The following MACO1 variants were observed in gnomAD, a reference collection of about 807,000 sequenced individuals.
MACO1 encodes the protein macoilin 1.
Under a neutral mutation model 78.7 loss-of-function variants are expected in MACO1, and 14 were observed. The observed-to-expected ratio is 0.18, with a 90% CI of 0.12 to 0.28. The LOEUF (loss-of-function observed/expected upper bound fraction) is 0.28. Ranked by LOEUF, MACO1 falls within the 10% of genes least tolerant of loss-of-function variation. The pLI is 1.00. For missense variants in MACO1, 501 were observed against 799.0 expected, an observed-to-expected ratio of 0.63 and a Z score of 4.50; for synonymous variants, 288 against 291.6, an observed-to-expected ratio of 0.99 and a Z score of 0.12.
At chr1:25,445,447 G>C (rs927179185) in intron 1 of MACO1, among the ~76,000 whole-genome samples, 3 of 152,138 alleles carry the variant, frequency 2.0e-5, no homozygotes, top group African/African-American at 7.2e-5. Flanking sequence ...ATGTATCACT[G>C]TGAATACTGT....
chr1:25,442,886 A>T (rs952993508), intron 1 of MACO1, among the ~76,000 whole-genome samples: 1 of 152,154 alleles, frequency 6.6e-6, no homozygotes, highest in African/African-American at 2.4e-5. Context: ...TTTTTGTTGC[A>T]GTTATGCTTT....
intron 10 of MACO1, among the ~76,000 whole-genome samples, chr1:25,494,689 G>A (rs768400227): frequency 2.0e-5 from 3 of 152,198 alleles, no homozygotes; most frequent in Non-Finnish European, 4.4e-5. Flanking sequence ...GGACGGGCCA[G>A]ACAGGTGAGT....
intron 4 of MACO1, among the ~76,000 whole-genome samples, chr1:25,455,565 ATAT>A (rs1449306371): frequency 2.5e-4 from 38 of 152,334 alleles, no homozygotes; most frequent in African/African-American, 9.1e-4. Flanking sequence ...AGTGAAACTT[ATAT>A]GGGCTTGACA....
intron 1 of MACO1, among the ~76,000 whole-genome samples, chr1:25,436,619 A>G (rs1428790601): frequency 6.6e-6 from 1 of 152,142 alleles, no homozygotes; most frequent in African/African-American, 2.4e-5. Context: ...GACTTTTTCC[A>G]CTGTGGATTT....
rs1571941446 is a variant in MACO1, at chr1:25,431,003, T to C, written c.-96T>C. ...ATGTCTGTGTGACCGGCCTCAGGGG[T>C]AGAGTCCAGGCCCGACGCGGGGCGG... is the stretch of plus-strand genomic sequence containing the variant. On this transcript the variant is annotated 5_prime_UTR_variant, in exon 1 of 11. Coordinates refer to ENST00000374343, the MANE Select transcript of MACO1 (RefSeq NM_018202.6). 1 of 689,186 alleles carries C rather than the reference T, an allele frequency of 1.5e-6. No individual in the cohort carries two copies. Among genetic ancestry groups the C allele is most frequent in the African/African-American group, 2.3e-5 (1 of 43,876 alleles). 42.7% of individuals were successfully genotyped at this position (689,186 alleles called of 1,614,324 possible).
intron 3 of MACO1, among the ~76,000 whole-genome samples, chr1:25,453,887 T>C (rs2124582206): frequency 6.6e-6 from 1 of 152,292 alleles, no homozygotes. Flanking sequence ...TAATTTGTAT[T>C]TCTCTAATCA....
At chr1:25,465,730 C>T (rs1209420419) in intron 6 of MACO1, among the ~76,000 whole-genome samples, 4 of 152,162 alleles carry the variant, frequency 2.6e-5, no homozygotes, top group African/African-American at 9.7e-5. Context: ...ATACATTTTA[C>T]CTGTTAACCA....
rs549845163 is a variant in MACO1 at position 25,456,039 on chromosome 1, C to T, written c.474-614C>T. ...CTTTGGGAGGCCAAGGCGAGTGGAT[C>T]ACGAGGTCGAGAGATCGAGACCATC... is the stretch of plus-strand genomic sequence containing the variant. On this transcript the variant is annotated intron_variant, in intron 4 of 10. Transcript: ENST00000374343. 5.3e-5 allele frequency among the ~76,000 whole-genome samples: 8 copies of T among 152,182 alleles called. No homozygotes were observed. The South Asian group carries it at 1.7e-3, about 32-fold the overall frequency.
chr1:25,464,338 CTTTTTTTT>C (rs71014363), intron 6 of MACO1, among the ~76,000 whole-genome samples: 3 of 80,976 alleles, frequency 3.7e-5, no homozygotes, highest in African/African-American at 4.9e-5. Context: ...TTTTTCTTCT[CTTTTTTTT>C]TTTTTTTTTT....
intron 4 of MACO1, 32 bp downstream of exon 4, chr1:25,454,414 GTGTATA>G: frequency 7.0e-7 from 1 of 1,423,500 alleles, no homozygotes; most frequent in Non-Finnish European, 9.6e-7. Context: ...GTGTGTGTGT[GTGTATA>G]TGTGTGTATG....
rs554818768 is a variant in MACO1, at chr1:25,496,480, T to A, written c.1793-1784T>A. Among the ~76,000 whole-genome samples the A allele has an allele frequency of 6.6e-4, 100 of 152,296 alleles. 2 individuals are homozygous for A. In the South Asian group the frequency reaches 0.02, roughly 30 times the overall value. ...AAGTTTCTGAAAGACTACTCCTAAG[T>A]GTTCTAAGTGCTTTTACATATACCA... On this transcript the variant is annotated intron_variant, in intron 10 of 10. Transcript: ENST00000374343.
chr1:25,493,253 T>A (rs890507287), intron 10 of MACO1, among the ~76,000 whole-genome samples: 1 of 152,348 alleles, frequency 6.6e-6, no homozygotes, highest in African/African-American at 2.4e-5. Flanking sequence ...ATTTATTTAT[T>A]TTCAAGACAG....
In MACO1 at chr1:25,449,099, C is replaced by T. The variant is rs548653359; in HGVS notation, c.349+165C>T. Among the ~76,000 whole-genome samples, 10 of 151,428 alleles carry T rather than the reference C, an allele frequency of 6.6e-5. No individual in the cohort carries two copies. The South Asian group carries it at 8.4e-4, about 13-fold the overall frequency. On this transcript the variant is annotated intron_variant, in intron 3 of 10. Transcript: ENST00000374343. ...ACCTTCAAAAATATATATCTTTTTTCGTTATTTGAATACAAACTTTAAGCT... is the reference window on the plus strand; with the variant it reads ...ACCTTCAAAAATATATATCTTTTTTTGTTATTTGAATACAAACTTTAAGCT...
Position 25,456,726 on chromosome 1 carries a change from C to T in MACO1, c.547C>T (p.Gln183Ter), listed in dbSNP as rs766594710. 6.2e-7 allele frequency: 1 copy of T among 1,613,898 alleles called. No individual in the cohort carries two copies. The highest frequency in any genetic ancestry group is 8.5e-7 in the Non-Finnish European group (1 of 1,179,948). ...YVSYKMRLRK[Q>*]KEVQKENEFY... ...AAGCTACAAAATGCGGTTAAGGAAG[C>T]AAAAAGAAGTACAAAAAGAGAACGA... The change falls in exon 5 of 11, where the codon CAA (glutamine) becomes TAA (stop). Residue 183 changes from glutamine (Q) to a stop codon, truncating the protein, a stop_gained. Coordinates refer to ENST00000374343, the MANE Select transcript of MACO1 (RefSeq NM_018202.6). LOFTEE classifies it high-confidence loss of function.
intron 1 of MACO1, among the ~76,000 whole-genome samples, chr1:25,434,073 G>A (rs762271697): frequency 1.3e-5 from 2 of 152,180 alleles, no homozygotes; most frequent in African/African-American, 2.4e-5. Context: ...TTTATTGTGA[G>A]TATCATGGCT....
At chr1:25,467,724 A>G (rs1341245711) in intron 6 of MACO1, among the ~76,000 whole-genome samples, 1 of 141,534 alleles carries the variant, frequency 7.1e-6, no homozygotes, top group Middle Eastern at 3.2e-3. Flanking sequence ...TAGAAATTAG[A>G]ATGATGATTT....
chr1:25,458,901 A>C lies in MACO1; in HGVS notation c.1154+9A>C, dbSNP rs756359799. 9 of 1,605,116 alleles carry C rather than the reference A, an allele frequency of 5.6e-6. No homozygotes were observed. The African/African-American group carries it at 1.2e-4, about 22-fold the overall frequency. On this transcript the variant is annotated intron_variant, in intron 6 of 10. Transcript: ENST00000374343. ...CCAGACGCACTGGTCAGGTAAGTGC[A>C]CATGCTGCATCCTTACTAACACTTT... is the stretch of plus-strand genomic sequence containing the variant.
At chr1:25,470,535 G>T (rs887733591) in intron 6 of MACO1, among the ~76,000 whole-genome samples, 1 of 152,206 alleles carries the variant, frequency 6.6e-6, no homozygotes, top group Non-Finnish European at 1.5e-5. Context: ...GCCTTTCATG[G>T]AGGATTCCAT....
chr1:25,479,705 G>A (rs1299635161), intron 6 of MACO1, among the ~76,000 whole-genome samples: 7 of 152,056 alleles, frequency 4.6e-5, no homozygotes, highest in African/African-American at 1.7e-4. Context: ...CACTGCACCT[G>A]GCCACACATA....
Sources: gnomAD v4.1 joint callset for allele counts (sites outside exome capture counted in the v4.1 genomes callset) on GRCh38, gnomAD v4.1.1 for gene constraint, MANE v1.5 for transcripts, NCBI Gene and HGNC (gene_info 2026-07-23, HGNC 2026-07-21) for gene names.